APC2: variants seen among roughly 807,000 people sequenced by gnomAD.
APC2 encodes the protein adenomatous polyposis coli protein 2.
In APC2, 41 loss-of-function variants were observed where a neutral mutation model predicts 72.5. The observed-to-expected ratio is 0.57, with a 90% CI of 0.44 to 0.73. APC2 has a LOEUF of 0.73. APC2 is among the 30% of genes least tolerant of loss of function. The pLI, the probability that APC2 is intolerant of heterozygous loss-of-function variation, is 0.00. For missense variants in APC2, 3,729 were observed against 3,403.4 expected, an observed-to-expected ratio of 1.10 and a Z score of -2.38; for synonymous variants, 1,898 against 1,612.0, an observed-to-expected ratio of 1.18 and a Z score of -4.25.
rs1414266857 is a variant in APC2 at position 1,467,758 on chromosome 19, G to A, written c.4457G>A (p.Arg1486Gln). Residue 1486 changes from arginine (R) to glutamine (Q), a missense_variant, in exon 15 of 15, where the codon CGG becomes CAG. Coordinates refer to ENST00000590469, the MANE Select transcript of APC2 (RefSeq NM_005883.3). ...PADKDGSKPG[R>Q]TRGDGALQSL... ...GACAAGGACGGCTCAAAGCCCGGCC[G>A]GACCCGCGGGGACGGGGCGCTCCAG... 7.7e-6 allele frequency: 11 copies of A among 1,430,028 alleles called. No individual in the cohort carries two copies. The highest frequency in any genetic ancestry group is 4.4e-5 in the South Asian group (3 of 68,910). 88.6% of individuals were successfully genotyped at this position (1,430,028 alleles called of 1,614,324 possible).
In APC2 at chr19:1,468,878, C is replaced by T. The variant is rs1030001691; in HGVS notation, c.5577C>T (p.Pro1859=). 6.5e-7 allele frequency: 1 copy of T among 1,539,564 alleles called. No individual in the cohort carries two copies. The highest frequency in any genetic ancestry group is 2.5e-5 in the East Asian group (1 of 40,596). The part of the protein sequence containing the change: ...TSELATLSQP[P]RSATPPARLA... Reference sequence around the variant, plus strand: ...AGCTGGCGACGCTGAGCCAGCCCCCCAGAAGCGCCACACCGCCCGCCCGCC... The same window carrying T: ...AGCTGGCGACGCTGAGCCAGCCCCCTAGAAGCGCCACACCGCCCGCCCGCC... The change falls in exon 15 of 15, where the codon CCC becomes CCT. Residue 1859 remains proline (P), a synonymous_variant. Coordinates refer to ENST00000590469, the MANE Select transcript of APC2 (RefSeq NM_005883.3).
At chr19:1,454,563 CT>C (rs71174371) in intron 4 of APC2, among the ~76,000 whole-genome samples, 2,643 of 116,068 alleles carry the variant, frequency 0.023, 79 homozygotes, top group African/African-American at 0.081. Flanking sequence ...ATCTTTTGTA[CT>C]TTTTTTTTTT....
Position 1,468,068 on chromosome 19 carries a change from C to A in APC2, c.4767C>A (p.Pro1589=). The A allele has an allele frequency of 1.3e-6, 2 of 1,566,938 alleles. No homozygotes were observed. Among genetic ancestry groups the A allele is most frequent in the East Asian group, 2.4e-5 (1 of 41,200 alleles). ...LSSSASSLSE[P]EPSEPPAVHP... ...CCTCCGCCAGCTCCCTCAGCGAGCCCGAGCCCTCGGAGCCGCCGGCCGTCC... is the reference window on the plus strand; with the variant it reads ...CCTCCGCCAGCTCCCTCAGCGAGCCAGAGCCCTCGGAGCCGCCGGCCGTCC... Residue 1589 remains proline, a synonymous_variant, in exon 15 of 15, where the codon CCC becomes CCA. Coordinates refer to ENST00000590469, the MANE Select transcript of APC2 (RefSeq NM_005883.3).
Position 1,456,843 on chromosome 19 carries a change from C to T in APC2, c.817-10C>T, listed in dbSNP as rs1225151996. ...TGAGGGACCCCACCCTGACCCTGCC[C>T]TCCCCCCAGGTGGAGGTGGTCTTCT... On this transcript the variant is annotated splice_polypyrimidine_tract_variant and intron_variant, in intron 8 of 14. Transcript: ENST00000590469. The T allele has an allele frequency of 6.3e-7, 1 of 1,592,440 alleles. No homozygotes were observed. The highest frequency in any genetic ancestry group is 8.5e-7 in the Non-Finnish European group (1 of 1,175,100).
intron 4 of APC2, among the ~76,000 whole-genome samples, chr19:1,454,349 A>G (rs2083784848): frequency 7.1e-6 from 1 of 140,564 alleles, no homozygotes; most frequent in Admixed American, 7.1e-5. Context: ...AGAATTTCCA[A>G]AGGAATTGCT....
chr19:1,465,112 G>T (rs1316272131), intron 14 of APC2, 43 bp from the exon 15 acceptor site: 7 of 1,563,446 alleles, frequency 4.5e-6, no homozygotes, highest in Non-Finnish European at 6.1e-6. Context: ...GTGGGCAGGG[G>T]AGGGTGGGGG....
intron 13 of APC2, chr19:1,461,384 G>A (rs1021077665): frequency 6.9e-6 from 4 of 581,824 alleles, no homozygotes; most frequent in Admixed American, 3.0e-5. Context: ...AGACCAGCCT[G>A]GCCAACATGG....
At position 1,472,871 on chromosome 19, in the gene APC2, C is replaced by G. The variant is rs2084158333; in HGVS notation, c.*2658C>G. 2 of 152,358 alleles carry G rather than the reference C, an allele frequency of 1.3e-5. No homozygotes were observed. Among genetic ancestry groups the G allele is most frequent in the Non-Finnish European group, 2.9e-5 (2 of 68,148 alleles). 9.4% of individuals were successfully genotyped at this position (152,358 alleles called of 1,614,324 possible). A position where few individuals can be genotyped will look rare whatever the true frequency, so the allele number is the denominator to read the frequency against. On this transcript the variant is annotated 3_prime_UTR_variant, in exon 15 of 15. Transcript: ENST00000590469. ...CTAAGGAGCTGAGGGTCTGAGGACG[C>G]AGGGAGGGTGGAGGTGTCCTGAGGC...
At position 1,468,434 on chromosome 19, in the gene APC2, G is replaced by A. The variant is rs762186320; in HGVS notation, c.5133G>A (p.Ser1711=). 25 of 1,592,062 alleles carry A rather than the reference G, an allele frequency of 1.6e-5. No homozygotes were observed. The highest frequency in any genetic ancestry group is 1.7e-4 in the Middle Eastern group (1 of 6,056). ...HQAAAATREA[S]SESDSILSFV... ...CAGCAGCTGCCACGCGGGAGGCCTCGTCCGAGTCCGACTCCATCCTGTCCT... is the reference window on the plus strand; with the variant it reads ...CAGCAGCTGCCACGCGGGAGGCCTCATCCGAGTCCGACTCCATCCTGTCCT... The change falls in exon 15 of 15, where the codon TCG becomes TCA. Residue 1711 remains serine (S), a synonymous_variant. Transcript: ENST00000590469.
In APC2 at chr19:1,469,335, TC is replaced by T; in HGVS notation, c.6036del (p.Ser2013ArgfsTer322). 7.3e-7 allele frequency: 1 copy of T among 1,370,396 alleles called. No individual in the cohort carries two copies. The highest frequency in any genetic ancestry group is 9.5e-7 in the Non-Finnish European group (1 of 1,055,186). 84.9% of individuals were successfully genotyped at this position (1,370,396 alleles called of 1,614,324 possible). On this transcript the variant is annotated frameshift_variant, in exon 15 of 15. Transcript: ENST00000590469. LOFTEE classifies it low-confidence loss of function (END_TRUNC). ...CTTGCGGCGCCGCCGCTCCGAGCTG[TC>T]CTCGGCCGAGTCCGCGGCCTCTGCC... ...PGLRRRRSEL[S>X]SAESAASAPQ... is the part of the protein sequence containing the mutation.
At chr19:1,455,999 G>C in intron 6 of APC2, 77 bp from the exon 7 acceptor site, 1 of 1,346,750 alleles carries the variant, frequency 7.4e-7, no homozygotes, top group Non-Finnish European at 9.8e-7. Context: ...CCAGGGTGGG[G>C]TCATCCCAGG....
At chr19:1,447,754 T>A (rs1282395528), upstream of APC2, among the ~76,000 whole-genome samples, 1 of 152,078 alleles carries the variant, frequency 6.6e-6, no homozygotes, top group African/African-American at 2.4e-5. Context: ...CCCTCAGCCC[T>A]CCAGGCCCTG....
rs773813128 is a variant in APC2 at position 1,457,160 on chromosome 19, A to G, written c.1124A>G (p.Glu375Gly). The G allele has an allele frequency of 6.3e-7, 1 of 1,585,752 alleles. No individual in the cohort carries two copies. ...RKEMRVLHVL[E>G]QIRAYCETCW... ...GAGATGCGCGTCCTGCACGTGCTGG[A>G]GCAGATCCGGGCCTACTGCGAGACC... The change falls in exon 9 of 15, where the codon GAG becomes GGG. Residue 375 changes from glutamate to glycine, a missense_variant. Physicochemically the swap from Glu to Gly is moderately conservative, Grantham distance 98. Coordinates refer to ENST00000590469, the MANE Select transcript of APC2 (RefSeq NM_005883.3).
At position 1,467,034 on chromosome 19, in the gene APC2, G is replaced by A. The variant is rs772742577; in HGVS notation, c.3733G>A (p.Asp1245Asn). Reference protein sequence around the residue: ...SYVKRFLDIADCRERCRLPSE... With the variant: ...SYVKRFLDIANCRERCRLPSE... ...CGTGAAGCGCTTCCTGGACATCGCC[G>A]ACTGCCGGGAGCGCTGCCGGCTGCC... Residue 1245 changes from aspartate to asparagine, a missense_variant, in exon 15 of 15, where the codon GAC becomes AAC. By Grantham distance (23) the Asp-to-Asn change is conservative. Coordinates refer to ENST00000590469, the MANE Select transcript of APC2 (RefSeq NM_005883.3). 1.9e-6 allele frequency: 3 copies of A among 1,611,440 alleles called. No individual in the cohort carries two copies. The highest frequency in any genetic ancestry group is 2.2e-5 in the South Asian group (2 of 90,902).
rs779513117 is a variant in APC2 at position 1,465,704 on chromosome 19, G to C, written c.2403G>C (p.Ala801=). The C allele has an allele frequency of 2.5e-6, 4 of 1,581,306 alleles. No homozygotes were observed. The South Asian group carries it at 4.6e-5, about 18-fold the overall frequency. The part of the protein sequence containing the change: ...AATGEPASPA[A]LSLFLGSPFL... ...CCGGGGAGCCAGCCAGCCCTGCCGCGCTGTCCCTCTTCCTGGGCAGCCCCT... is the reference window on the plus strand; with the variant it reads ...CCGGGGAGCCAGCCAGCCCTGCCGCCCTGTCCCTCTTCCTGGGCAGCCCCT... Residue 801 remains alanine, a synonymous_variant, in exon 15 of 15, where the codon GCG becomes GCC. Transcript: ENST00000590469.
chr19:1,458,004 G>A lies in APC2; in HGVS notation c.1247G>A (p.Cys416Tyr). Residue 416 changes from cysteine (C) to tyrosine (Y), a missense_variant, in exon 10 of 15, where the codon TGT (cysteine) becomes TAT (tyrosine). Cys to Tyr is a radical substitution (Grantham distance 194). Coordinates refer to ENST00000590469, the MANE Select transcript of APC2 (RefSeq NM_005883.3). ...PIEPQICQAT[C>Y]AVMKLSFDEE... ...GAGCCGCAGATCTGCCAGGCCACCTGTGCTGTTATGAAGCTGTCCTTTGAT... is the reference window on the plus strand; with the variant it reads ...GAGCCGCAGATCTGCCAGGCCACCTATGCTGTTATGAAGCTGTCCTTTGAT... 1 of 1,566,532 alleles carries A rather than the reference G, an allele frequency of 6.4e-7. No homozygotes were observed. Among genetic ancestry groups the A allele is most frequent in the South Asian group, 1.2e-5 (1 of 85,264 alleles).
In APC2 at chr19:1,468,940, C is replaced by A; in HGVS notation, c.5639C>A (p.Ser1880Ter). ...CCCTCCTCCAGCTCCTCCCAGACCT[C>A]GCCCGCCTCCCAGCCCCTGCCCAGA... is the stretch of plus-strand genomic sequence containing the variant. ...KTPSSSSSQT[S>*]PASQPLPRKR... Residue 1880 changes from serine (S) to a stop codon, truncating the protein, a stop_gained, in exon 15 of 15, where the codon TCG becomes TAG. Transcript: ENST00000590469. LOFTEE classifies it low-confidence loss of function (END_TRUNC). 6.5e-7 allele frequency: 1 copy of A among 1,541,908 alleles called. No individual in the cohort carries two copies. Among genetic ancestry groups the A allele is most frequent in the Non-Finnish European group, 8.7e-7 (1 of 1,150,504 alleles).
chr19:1,468,685 ACGTCCCCAGCCCGGCACCC>A lies in APC2; in HGVS notation c.5388_5406del (p.Ala1800LysfsTer50). 1 of 1,561,866 alleles carries A rather than the reference ACGTCCCCAGCCCGGCACCC, an allele frequency of 6.4e-7. No homozygotes were observed. The highest frequency in any genetic ancestry group is 2.4e-5 in the East Asian group (1 of 41,946). On this transcript the variant is annotated frameshift_variant, in exon 15 of 15. Transcript: ENST00000590469. LOFTEE classifies it low-confidence loss of function (END_TRUNC). Reference sequence around the variant, plus strand: ...GTGCTCCGGGGACGAACAGTGATCTACGTCCCCAGCCCGGCACCCCGTGCCCAGCCCAAAGGGACCCCCG... The same window carrying A: ...GTGCTCCGGGGACGAACAGTGATCTACGTGCCCAGCCCAAAGGGACCCCCG...
intron 14 of APC2, 123 bp downstream of exon 14, chr19:1,462,300 A>G: frequency 1.1e-6 from 1 of 888,692 alleles, no homozygotes; most frequent in East Asian, 2.7e-5. Context: ...TGCTGTTTGC[A>G]GCATAAATAC....
Sources: gnomAD v4.1 joint callset for allele counts (sites outside exome capture counted in the v4.1 genomes callset) on GRCh38, gnomAD v4.1.1 for gene constraint, MANE v1.5 for transcripts, NCBI Gene and HGNC (gene_info 2026-07-23, HGNC 2026-07-21) for gene names.